SDF4: variants seen among roughly 807,000 people sequenced by gnomAD.
SDF4 encodes the protein 45 kDa calcium-binding protein.
SDF4 carries 22 observed loss-of-function variants against 34.2 expected under a neutral mutation model. That is an observed-to-expected ratio of 0.64 (90% CI 0.46 to 0.92). The LOEUF (loss-of-function observed/expected upper bound fraction) is 0.92. SDF4 is among the 40% of genes least tolerant of loss of function. The pLI is 0.00. For missense variants in SDF4, 447 were observed against 499.9 expected, an observed-to-expected ratio of 0.89 and a Z score of 1.01; for synonymous variants, 236 against 203.1, an observed-to-expected ratio of 1.16 and a Z score of -1.38.
chr1:1,230,369 G>A (rs1186455650), intron 1 of SDF4, among the ~76,000 whole-genome samples: 2 of 152,204 alleles, frequency 1.3e-5, no homozygotes, highest in Admixed American at 1.3e-4. Context: ...CATGAAAGTG[G>A]TCCTGAAGTC....
rs1452103558 is a variant in SDF4, at chr1:1,217,395, T to TCGGC, written c.*113_*116dup. The TCGGC allele has an allele frequency of 5.5e-6, 5 of 916,916 alleles. No individual in the cohort carries two copies. The highest frequency in any genetic ancestry group is 5.7e-6 in the Non-Finnish European group (4 of 699,638). 56.8% of individuals were successfully genotyped at this position (916,916 alleles called of 1,614,324 possible). A position where few individuals can be genotyped will look rare whatever the true frequency, so the allele number is the denominator to read the frequency against. On this transcript the variant is annotated 3_prime_UTR_variant, in exon 7 of 7. Transcript: ENST00000360001. The surrounding 1 kb of genome is among the most constrained non-coding windows in gnomAD (Gnocchi z 8.5). ...CATCAACTGGGGCAGCCGCGGTCGG[T>TCGGC]CGGCCGGTGGCGGGCGGCAGGGAAG...
chr1:1,225,927 C>T (rs984561312), intron 2 of SDF4, among the ~76,000 whole-genome samples: 2 of 152,262 alleles, frequency 1.3e-5, no homozygotes, highest in Non-Finnish European at 2.9e-5. Flanking sequence ...GGCTGCAGGG[C>T]GGTGCACGTA....
intron 3 of SDF4, 46 bp downstream of exon 3, chr1:1,223,786 G>GGGCCCCCCCC: frequency 1.7e-6 from 1 of 585,242 alleles, no homozygotes; most frequent in Non-Finnish European, 2.9e-6. Context: ...CCATGGCCCT[G>GGGCCCCCCCC]CCCGCCCCGC....
chr1:1,220,328 G>A (rs1272144392), intron 4 of SDF4: 5 of 1,101,980 alleles, frequency 4.5e-6, no homozygotes, highest in Admixed American at 8.9e-5. Context: ...AGGGAGTGAT[G>A]CCCGCCTGCC....
intron 4 of SDF4, chr1:1,220,732 T>C (rs1435099029): frequency 2.3e-6 from 3 of 1,289,092 alleles, no homozygotes; most frequent in Non-Finnish European, 2.0e-6. Context: ...GGCCATGTCC[T>C]GGGCAGAAAA....
intron 4 of SDF4, among the ~76,000 whole-genome samples, chr1:1,221,552 G>C (rs1649961854): frequency 6.6e-6 from 1 of 152,062 alleles, no homozygotes; most frequent in Non-Finnish European, 1.5e-5. Context: ...AAGGAGGATA[G>C]ATTGAGCCCA....
intron 4 of SDF4, among the ~76,000 whole-genome samples, chr1:1,222,939 G>A (rs1319157930): frequency 2.6e-5 from 4 of 152,160 alleles, no homozygotes; most frequent in Non-Finnish European, 4.4e-5. Flanking sequence ...ACAAGCACAC[G>A]CACAGCGCAC....
chr1:1,217,805 C>T lies in SDF4; in HGVS notation c.892-117G>A, dbSNP rs750240826. On this transcript the variant is annotated intron_variant, in intron 6 of 6. Transcript: ENST00000360001. This position sits in a 1 kb window ranked among gnomAD's most constrained non-coding sequence, Gnocchi z 8.5. ...GCTGCAGCGGGAGTGTGGGCACGTT[C>T]TGGAAGGTTCCCGAAGGGAGGCGGC... 12 of 1,572,340 alleles carry T rather than the reference C, an allele frequency of 7.6e-6. No homozygotes were observed. Among genetic ancestry groups the T allele is most frequent in the Non-Finnish European group, 9.5e-6 (11 of 1,161,320 alleles).
intron 4 of SDF4, chr1:1,220,532 G>A: frequency 1.1e-5 from 13 of 1,222,124 alleles, no homozygotes; most frequent in South Asian, 1.4e-5. Flanking sequence ...AATACCCAAA[G>A]AGGTCGGGGG....
At chr1:1,223,031 GCA>G (rs375970915) in intron 4 of SDF4, 90 of 580,148 alleles carry the variant, frequency 1.6e-4, no homozygotes, top group South Asian at 3.8e-4. Flanking sequence ...GTACTCACGA[GCA>G]CACACACAGC....
intron 1 of SDF4, among the ~76,000 whole-genome samples, chr1:1,229,923 C>T (rs1638440173): frequency 6.6e-6 from 1 of 151,086 alleles, no homozygotes; most frequent in Admixed American, 6.6e-5. Context: ...CACACTCACG[C>T]ATGCACGTAT....
At chr1:1,219,900 G>A (rs1649816316) in intron 4 of SDF4, 6 of 985,660 alleles carry the variant, frequency 6.1e-6, no homozygotes, top group Non-Finnish European at 6.0e-6. Flanking sequence ...AGGCCCAGCT[G>A]CCGTCCCATC....
chr1:1,229,014 C>T (rs1008508992), intron 1 of SDF4, 68 bp from the exon 2 acceptor site: 23 of 569,074 alleles, frequency 4.0e-5, no homozygotes, highest in Non-Finnish European at 6.2e-5. Flanking sequence ...GTCTATCCTG[C>T]AACATGAAAC....
Position 1,218,440 on chromosome 1 carries a change from G to A in SDF4, c.891+18C>T, listed in dbSNP as rs1649668928. 7 of 1,606,168 alleles carry A rather than the reference G, an allele frequency of 4.4e-6. No individual in the cohort carries two copies. Among genetic ancestry groups the A allele is most frequent in the Non-Finnish European group, 3.4e-6 (4 of 1,178,966 alleles). ...CCTCGCAGGGCCGGCTCCGGGACAC[G>A]GCTGCGCCAGGGCTCACCTCCAGCT... is the stretch of plus-strand genomic sequence containing the variant. On this transcript the variant is annotated intron_variant, in intron 6 of 6. Transcript: ENST00000360001. This position sits in a 1 kb window ranked among gnomAD's most constrained non-coding sequence, Gnocchi z 7.9.
In SDF4 at chr1:1,218,759, C is replaced by T. The variant is rs768398689; in HGVS notation, c.715+10G>A. ...TCCTGGCGTGCCGGCCAGGCTGGAC[C>T]CAGCCTCACCCAGGTCCCGGACGAT... On this transcript the variant is annotated intron_variant, in intron 5 of 6. Coordinates refer to ENST00000360001, the MANE Select transcript of SDF4 (RefSeq NM_016176.6). This position sits in a 1 kb window ranked among gnomAD's most constrained non-coding sequence, Gnocchi z 7.9. 6.2e-7 allele frequency: 1 copy of T among 1,612,450 alleles called. No homozygotes were observed. The highest frequency in any genetic ancestry group is 2.2e-5 in the East Asian group (1 of 44,838).
At chr1:1,229,248 C>T (rs79893391) in intron 1 of SDF4, among the ~76,000 whole-genome samples, 13,534 of 152,178 alleles carry the variant, frequency 0.089, 824 homozygotes, top group African/African-American at 0.17. Context: ...TGGAGTACAG[C>T]GGTGACCACA....
chr1:1,217,918 C>T lies in SDF4; in HGVS notation c.892-230G>A, dbSNP rs1309942913. 1.7e-6 allele frequency: 2 copies of T among 1,178,706 alleles called. No homozygotes were observed. Among genetic ancestry groups the T allele is most frequent in the Non-Finnish European group, 2.3e-6 (2 of 870,514 alleles). The allele number at this position is 1,178,706 out of a possible 1,614,324, so 73.0% of individuals were successfully genotyped here. A position where few individuals can be genotyped will look rare whatever the true frequency, so the allele number is the denominator to read the frequency against. On this transcript the variant is annotated intron_variant, in intron 6 of 6. Transcript: ENST00000360001. The surrounding 1 kb of genome is among the most constrained non-coding windows in gnomAD (Gnocchi z 8.5). ...GGGGTAACGGGGCACAGGGGCTACACAGGCCTGGACCCCAGTTCTGAAGGA... is the reference window on the plus strand; with the variant it reads ...GGGGTAACGGGGCACAGGGGCTACATAGGCCTGGACCCCAGTTCTGAAGGA...
chr1:1,231,576 G>A (rs1463328324), intron 1 of SDF4, among the ~76,000 whole-genome samples: 2 of 152,254 alleles, frequency 1.3e-5, no homozygotes, highest in South Asian at 2.1e-4. Flanking sequence ...CTTGTCCAAG[G>A]TCGCCTCGCC....
At position 1,217,039 on chromosome 1, in the gene SDF4, C is replaced by T. The variant is rs1385770067; in HGVS notation, c.*473G>A. On this transcript the variant is annotated 3_prime_UTR_variant, in exon 7 of 7. Coordinates refer to ENST00000360001, the MANE Select transcript of SDF4 (RefSeq NM_016176.6). The surrounding 1 kb of genome is among the most constrained non-coding windows in gnomAD (Gnocchi z 8.5). ...CGACACGCCAGGCCCGGGAAGGACC[C>T]GGCACCCTCCCCTGAACTTCCTGGC... The T allele has an allele frequency of 2.0e-5, 3 of 152,232 alleles. No homozygotes were observed. The highest frequency in any genetic ancestry group is 7.2e-5 in the African/African-American group (3 of 41,464). 9.4% of individuals were successfully genotyped at this position (152,232 alleles called of 1,614,324 possible). A position where few individuals can be genotyped will look rare whatever the true frequency, so the allele number is the denominator to read the frequency against.
Sources: gnomAD v4.1 joint callset for allele counts (sites outside exome capture counted in the v4.1 genomes callset) on GRCh38, gnomAD v4.1.1 for gene constraint, Gnocchi (gnomAD v3.1) non-coding constraint, MANE v1.5 for transcripts, NCBI Gene and HGNC (gene_info 2026-07-23, HGNC 2026-07-21) for gene names.